DIP2C: variants seen among roughly 807,000 people sequenced by gnomAD.
DIP2C encodes disco-interacting protein 2 homolog C.
DIP2C carries 33 observed loss-of-function variants against 192.4 expected under a neutral mutation model. The ratio of observed to expected loss-of-function variants is 0.17; its 90% confidence interval spans 0.13 to 0.23. The LOEUF (loss-of-function observed/expected upper bound fraction) is 0.23. Among genes scored for constraint, DIP2C ranks in the 10% least tolerant of loss-of-function variants. The pLI is 1.00. For synonymous variants in DIP2C, 979 were observed against 864.1 expected (o/e 1.13, Z -2.33); for missense variants, 1,537 against 2,110.1 (o/e 0.73, Z 5.32).
Position 283,374 on chromosome 10 carries a change from G to C in DIP2C, c.4192C>G (p.His1398Asp), listed in dbSNP as rs565346725. The C allele has an allele frequency of 8.1e-6, 13 of 1,614,204 alleles. No individual in the cohort carries two copies. In the South Asian group the frequency reaches 1.3e-4, roughly 16 times the overall value. Reference sequence around the variant, plus strand: ...CCAAAACTTAGTCTTGAGTTGAAGTGATCTGACTGGAGGGATTCGTCTCCG... The same window carrying C: ...CCAAAACTTAGTCTTGAGTTGAAGTCATCTGACTGGAGGGATTCGTCTCCG... ...IYGDESLQSDHFNSRLSFGDT... is the reference protein window; with the variant it reads ...IYGDESLQSDDFNSRLSFGDT... The change falls in exon 35 of 37, where the codon CAC becomes GAC. Residue 1398 changes from histidine (H) to aspartate (D), a missense_variant. Transcript: ENST00000280886.
intron 2 of DIP2C, among the ~76,000 whole-genome samples, chr10:475,848 G>A (rs945488017): frequency 3.3e-5 from 5 of 152,188 alleles, no homozygotes; most frequent in African/African-American, 4.8e-5. Flanking sequence ...GCCTGTGACC[G>A]CACAGGGCCC....
At chr10:281,407 C>T (rs1178283582) in intron 35 of DIP2C, 84 bp from the exon 36 acceptor site, 15 of 1,496,294 alleles carry the variant, frequency 1.0e-5, no homozygotes, top group Admixed American at 4.3e-5. Flanking sequence ...AGATTAAAAA[C>T]GACCCCCAAG....
At chr10:670,420 G>A (rs1005875090) in intron 1 of DIP2C, among the ~76,000 whole-genome samples, 7 of 152,126 alleles carry the variant, frequency 4.6e-5, no homozygotes, top group African/African-American at 1.7e-4. Context: ...TCAGGTACGT[G>A]GATTCAAAAT....
intron 3 of DIP2C, among the ~76,000 whole-genome samples, chr10:463,182 T>C (rs1969932092): frequency 6.6e-6 from 1 of 152,216 alleles, no homozygotes; most frequent in Non-Finnish European, 1.5e-5. Context: ...AGAAAGGGTA[T>C]TCAAATAGGA....
chr10:471,302 G>A (rs1970607485), intron 3 of DIP2C, among the ~76,000 whole-genome samples: 1 of 152,062 alleles, frequency 6.6e-6, no homozygotes, highest in Non-Finnish European at 1.5e-5. Context: ...GCAGAGCCAG[G>A]AGGCCAGGCA....
At chr10:624,771 G>C (rs1005525985) in intron 1 of DIP2C, among the ~76,000 whole-genome samples, 7 of 152,216 alleles carry the variant, frequency 4.6e-5, no homozygotes, top group Admixed American at 3.9e-4. Flanking sequence ...CGCTTGGAGA[G>C]AACCTGACTG....
intron 1 of DIP2C, among the ~76,000 whole-genome samples, chr10:550,630 A>C (rs1217792449): frequency 1.3e-5 from 2 of 152,218 alleles, no homozygotes; most frequent in African/African-American, 4.8e-5. Context: ...ATAACCGCAG[A>C]GCGTCTGCAC....
intron 2 of DIP2C, among the ~76,000 whole-genome samples, chr10:473,239 A>AT (rs1191793229): frequency 1.3e-5 from 2 of 152,256 alleles, no homozygotes; most frequent in Non-Finnish European, 2.9e-5. Flanking sequence ...CATTCAGGCA[A>AT]TAACAGGGTG....
At position 473,292 on chromosome 10, in the gene DIP2C, ACAT is replaced by A. The variant is rs557545988; in HGVS notation, c.158-746_158-744del. The stretch of plus-strand genomic sequence containing the variant: ...ACAAAACTAAGCCCCCAAAGGAAGG[ACAT>A]CATCATCACAGTTCCACGAAGAACT... On this transcript the variant is annotated intron_variant, in intron 2 of 36. Coordinates refer to ENST00000280886, the MANE Select transcript of DIP2C (RefSeq NM_014974.3). 1.0e-4 allele frequency among the ~76,000 whole-genome samples: 16 copies of A among 152,382 alleles called. No homozygotes were observed. The East Asian group carries it at 2.3e-3, about 22-fold the overall frequency.
chr10:386,114 C>A (rs1298893861), intron 14 of DIP2C, among the ~76,000 whole-genome samples: 1 of 152,174 alleles, frequency 6.6e-6, no homozygotes, highest in African/African-American at 2.4e-5. Context: ...GCTGTGTGGA[C>A]AACGTCACAG....
chr10:603,320 AAAAAAAAAAAAAACC>A (rs1564255363), intron 1 of DIP2C, among the ~76,000 whole-genome samples: 2 of 139,226 alleles, frequency 1.4e-5, no homozygotes, highest in African/African-American at 5.9e-5. Flanking sequence ...AAAAAAAAAA[AAAAAAAAAAAAAACC>A]AACCATGAGA....
rs1845020950 is a variant in DIP2C, at chr10:498,630, C to CAT, written c.86-12102_86-12101dup. Among the ~76,000 whole-genome samples the CAT allele has an allele frequency of 2.6e-5, 4 of 152,298 alleles. No homozygotes were observed. In the South Asian group the frequency reaches 8.3e-4, roughly 32 times the overall value. ...ATTTCATTTACCTGAAGTTTCTGCC[C>CAT]ATTCCTTCCCAGAGAATATAATTTT... On this transcript the variant is annotated intron_variant, in intron 1 of 36. Transcript: ENST00000280886.
intron 16 of DIP2C, among the ~76,000 whole-genome samples, chr10:383,599 T>C (rs148580051): frequency 2.8e-4 from 43 of 152,356 alleles, no homozygotes; most frequent in South Asian, 1.0e-3. Flanking sequence ...AAAACTACTA[T>C]ACACCAAAAA....
At chr10:286,370 C>G in intron 33 of DIP2C, 23 bp from the exon 34 acceptor site, 1 of 1,607,314 alleles carries the variant, frequency 6.2e-7, no homozygotes, top group Non-Finnish European at 8.5e-7. Flanking sequence ...GGAAAAGTCT[C>G]TTGTCAATGG....
chr10:685,398 G>A (rs1404062668), intron 1 of DIP2C, among the ~76,000 whole-genome samples: 1 of 151,714 alleles, frequency 6.6e-6, no homozygotes, highest in East Asian at 1.9e-4. Context: ...GGAGTCAGTG[G>A]GCATGGAACA....
intron 19 of DIP2C, 81 bp downstream of exon 19, chr10:366,194 G>T (rs530934609): frequency 6.4e-7 from 1 of 1,558,392 alleles, no homozygotes; most frequent in East Asian, 2.3e-5. Flanking sequence ...TACATTCCAC[G>T]TCTATCACTA....
At chr10:640,656 A>T (rs554991524) in intron 1 of DIP2C, among the ~76,000 whole-genome samples, 12 of 148,926 alleles carry the variant, frequency 8.1e-5, no homozygotes, top group South Asian at 2.1e-4. Context: ...CGCGCGGGGA[A>T]GAGGGTGCGC....
chr10:389,907 G>C (rs1306913085), intron 13 of DIP2C, 84 bp downstream of exon 13: 1 of 1,069,860 alleles, frequency 9.3e-7, no homozygotes, highest in Non-Finnish European at 1.4e-6. Context: ...TATTTCTATG[G>C]CTCCTCGTGG....
intron 1 of DIP2C, among the ~76,000 whole-genome samples, chr10:597,275 G>A (rs1851766503): frequency 6.6e-6 from 1 of 152,280 alleles, no homozygotes; most frequent in Non-Finnish European, 1.5e-5. Flanking sequence ...CACCCTCCCA[G>A]GCCTCCAGGT....
Sources: gnomAD v4.1 joint callset for allele counts (sites outside exome capture counted in the v4.1 genomes callset) on GRCh38, gnomAD v4.1.1 for gene constraint, MANE v1.5 for transcripts, NCBI Gene and HGNC (gene_info 2026-07-23, HGNC 2026-07-21) for gene names.